Variants in CDK14 observed in about 807,000 individuals in gnomAD.
CDK14 encodes cyclin dependent kinase 14.
CDK14 carries 34 observed loss-of-function variants against 60.7 expected under a neutral mutation model. That is an observed-to-expected ratio of 0.56 (90% confidence interval 0.43 to 0.75). CDK14 has a LOEUF of 0.75. Among genes scored for constraint, CDK14 ranks in the 30% least tolerant of loss-of-function variants. The pLI is 0.00. For synonymous variants in CDK14, 197 were observed against 203.7 expected (o/e 0.97, Z 0.28); for missense variants, 482 against 564.1 (o/e 0.85, Z 1.47).
chr7:91,115,922 G>T (rs1002379159), intron 13 of CDK14, among the ~76,000 whole-genome samples: 29 of 152,162 alleles, frequency 1.9e-4, no homozygotes, highest in African/African-American at 7.0e-4. Flanking sequence ...TATTAGTGTG[G>T]CACTGAAGCA....
At chr7:91,059,209 T>A (rs946824026) in intron 11 of CDK14, among the ~76,000 whole-genome samples, 1 of 152,252 alleles carries the variant, frequency 6.6e-6, no homozygotes, top group African/African-American at 2.4e-5. Flanking sequence ...TTTGTAGTAT[T>A]CTCTGATGGT....
chr7:90,963,098 T>A (rs988721775), intron 9 of CDK14, among the ~76,000 whole-genome samples: 1 of 150,740 alleles, frequency 6.6e-6, no homozygotes, highest in Non-Finnish European at 1.5e-5. Flanking sequence ...TGTGTGTGTG[T>A]GTGTGTGTGT....
At chr7:91,005,322 G>T (rs1795950111) in intron 10 of CDK14, among the ~76,000 whole-genome samples, 1 of 152,250 alleles carries the variant, frequency 6.6e-6, no homozygotes, top group Non-Finnish European at 1.5e-5. Flanking sequence ...ACTGGATCAA[G>T]ATCCTTCCTC....
In CDK14 at chr7:91,134,923, A is replaced by G. The variant is rs530579674; in HGVS notation, c.*28+16715A>G. On this transcript the variant is annotated intron_variant, in intron 14 of 14. Transcript: ENST00000380050. ...ATAGAATTTTTTGTTGTGTGTATAT[A>G]CAAACATATCTTGAGACCCTGAACC... 9.9e-5 allele frequency among the ~76,000 whole-genome samples: 15 copies of G among 152,258 alleles called. No individual in the cohort carries two copies. In the South Asian group the frequency reaches 1.9e-3, roughly 19 times the overall value.
chr7:90,959,057 G>A (rs536832458), intron 9 of CDK14, among the ~76,000 whole-genome samples: 178 of 152,242 alleles, frequency 1.2e-3, no homozygotes, highest in African/African-American at 3.9e-3. Flanking sequence ...TTCCTCGTGT[G>A]TGTGTGTTCA....
At chr7:90,967,282 T>C (rs117699367) in intron 9 of CDK14, among the ~76,000 whole-genome samples, 2,452 of 152,200 alleles carry the variant, frequency 0.016, 21 homozygotes, top group Non-Finnish European at 0.022. Context: ...AGGATCTTTA[T>C]AGGAAGGGAG....
chr7:90,735,117 T>C (rs766090882), intron 3 of CDK14, among the ~76,000 whole-genome samples: 9 of 152,186 alleles, frequency 5.9e-5, no homozygotes, highest in Non-Finnish European at 1.2e-4. Context: ...TAGACCCTGT[T>C]TGCCTGGGTA....
At chr7:90,988,899 C>T (rs901136852) in intron 10 of CDK14, among the ~76,000 whole-genome samples, 23 of 152,030 alleles carry the variant, frequency 1.5e-4, no homozygotes, top group Admixed American at 1.5e-3. Context: ...AAATTTCATC[C>T]ACTGGTTGTT....
chr7:90,631,354 T>A (rs1406907753), intron 2 of CDK14, among the ~76,000 whole-genome samples: 1 of 152,172 alleles, frequency 6.6e-6, no homozygotes. Context: ...CACTTGCATT[T>A]TCATTTAGGG....
intron 5 of CDK14, among the ~76,000 whole-genome samples, chr7:90,831,668 A>G (rs887505220): frequency 6.8e-6 from 1 of 147,180 alleles, no homozygotes; most frequent in East Asian, 2.1e-4. Flanking sequence ...CTTGGGCTCT[A>G]TTGTTATATT....
At chr7:90,878,053 C>T (rs747574638) in intron 6 of CDK14, among the ~76,000 whole-genome samples, 2 of 149,324 alleles carry the variant, frequency 1.3e-5, no homozygotes, top group Non-Finnish European at 3.0e-5. Context: ...AGAATAGATG[C>T]ATTGGACACA....
chr7:90,960,326 A>G (rs1034849972), intron 9 of CDK14, among the ~76,000 whole-genome samples: 9 of 152,154 alleles, frequency 5.9e-5, no homozygotes, highest in Non-Finnish European at 1.3e-4. Context: ...CCAACAGTGT[A>G]TGAAGAATGA....
At chr7:90,977,457 G>T (rs1319682030) in intron 9 of CDK14, among the ~76,000 whole-genome samples, 2 of 97,858 alleles carry the variant, frequency 2.0e-5, no homozygotes, top group African/African-American at 7.9e-5. Context: ...AGGAAGAGGA[G>T]TTTCAGTTCC....
At chr7:90,784,130 G>A (rs1805465116) in intron 4 of CDK14, among the ~76,000 whole-genome samples, 1 of 152,118 alleles carries the variant, frequency 6.6e-6, no homozygotes, top group African/African-American at 2.4e-5. Flanking sequence ...CTTGCAACAT[G>A]GGTGGAACGG....
chr7:91,096,363 G>T (rs1476357573), intron 12 of CDK14, among the ~76,000 whole-genome samples: 1 of 152,150 alleles, frequency 6.6e-6, no homozygotes, highest in Non-Finnish European at 1.5e-5. Context: ...GGCTCACATG[G>T]TGAGGAACTA....
At chr7:90,749,498 G>A (rs939311115) in intron 4 of CDK14, among the ~76,000 whole-genome samples, 4 of 148,892 alleles carry the variant, frequency 2.7e-5, no homozygotes, top group African/African-American at 9.9e-5. Context: ...CACTCTTCCT[G>A]TGCAGAGACC....
chr7:91,092,569 C>T (rs1442387154), intron 12 of CDK14, among the ~76,000 whole-genome samples: 8 of 152,186 alleles, frequency 5.3e-5, no homozygotes, highest in Non-Finnish European at 1.0e-4. Flanking sequence ...TGCGAATTAT[C>T]GCAGAAAAAT....
At chr7:90,923,378 G>C (rs1793312526) in intron 8 of CDK14, among the ~76,000 whole-genome samples, 1 of 151,998 alleles carries the variant, frequency 6.6e-6, no homozygotes, top group Admixed American at 6.5e-5. Context: ...CAAAATGCTG[G>C]GATTACAGGT....
At chr7:90,723,419 C>T (rs560943512) in intron 2 of CDK14, among the ~76,000 whole-genome samples, 12 of 152,240 alleles carry the variant, frequency 7.9e-5, no homozygotes, top group African/African-American at 2.9e-4. Flanking sequence ...AGGTTGTTTG[C>T]AGGCCCTAGT....
Sources: gnomAD v4.1 joint callset for allele counts (sites outside exome capture counted in the v4.1 genomes callset) on GRCh38, gnomAD v4.1.1 for gene constraint, MANE v1.5 for transcripts, NCBI Gene and HGNC (gene_info 2026-07-23, HGNC 2026-07-21) for gene names.